ABCB9: variants seen among roughly 807,000 people sequenced by gnomAD.
The protein encoded by ABCB9 is ABC-type oligopeptide transporter ABCB9.
ABCB9 carries 36 observed loss-of-function variants against 62.0 expected under a neutral mutation model. The ratio of observed to expected loss-of-function variants is 0.58; its 90% CI spans 0.45 to 0.77. The LOEUF (loss-of-function observed/expected upper bound fraction) is 0.77, where lower values mean the gene tolerates loss of function less well. Among genes scored for constraint, ABCB9 ranks in the 30% least tolerant of loss-of-function variants. The probability of loss-of-function intolerance (pLI) is 0.00; values close to 1 mark genes in which losing one functional copy is unlikely to be tolerated. For missense variants in ABCB9, 943 were observed against 1,054.7 expected (o/e 0.89, Z 1.47); for synonymous variants, 435 against 461.4 (o/e 0.94, Z 0.73).
At chr12:122,956,578 T>C (rs1418556808) in intron 2 of ABCB9, among the ~76,000 whole-genome samples, 1 of 152,226 alleles carries the variant, frequency 6.6e-6, no homozygotes, top group African/African-American at 2.4e-5. Context: ...TGGAGTGCAG[T>C]TGTGTGAGCT....
At position 122,930,130 on chromosome 12, in the gene ABCB9, T is replaced by C; in HGVS notation, c.2082A>G (p.Val694=). 6.4e-7 allele frequency: 1 copy of C among 1,553,308 alleles called. No homozygotes were observed. Among genetic ancestry groups the C allele is most frequent in the Non-Finnish European group, 8.7e-7 (1 of 1,148,046 alleles). The change falls in exon 12 of 12, where the codon GTA becomes GTG. Residue 694 remains valine (V), a synonymous_variant. Coordinates refer to ENST00000280560, the MANE Select transcript of ABCB9 (RefSeq NM_019625.4). This position sits in a 1 kb window ranked among gnomAD's most constrained non-coding sequence, Gnocchi z 4.9. ...TGCTCAGCCGGTGCGCGATGATGAG[T>C]ACCGTGTGCTTCTGCAGGTTGCCAT... ...AIHGNLQKHT[V]LIIAHRLSTV... is the part of the protein sequence containing the mutation.
rs1364494286 is a variant in ABCB9 at position 122,932,676 on chromosome 12, T to G, written c.1904-348A>C. Among the ~76,000 whole-genome samples the G allele has an allele frequency of 6.6e-6, 1 of 152,126 alleles. No individual in the cohort carries two copies. Among genetic ancestry groups the G allele is most frequent in the Non-Finnish European group, 1.5e-5 (1 of 68,020 alleles). ...GCTTGAAGAGCTGCAGCAATAACCC[T>G]GGGTCTATGAGTCTGTGCAGTGCAA... is the stretch of plus-strand genomic sequence containing the variant. On this transcript the variant is annotated intron_variant, in intron 10 of 11. Transcript: ENST00000280560. The surrounding 1 kb of genome is among the most constrained non-coding windows in gnomAD (Gnocchi z 4.7).
chr12:122,925,621 G>A (rs115863884), downstream of ABCB9, among the ~76,000 whole-genome samples: 2,768 of 152,178 alleles, frequency 0.018, 91 homozygotes, highest in African/African-American at 0.063. Context: ...GGCGGTGGGC[G>A]CCTCTAGTCG....
chr12:122,949,556 G>A (rs1000432202), intron 4 of ABCB9, among the ~76,000 whole-genome samples: 7 of 152,214 alleles, frequency 4.6e-5, no homozygotes, highest in Admixed American at 2.6e-4. Flanking sequence ...CAGGGACCTC[G>A]GGTGGCCTGG....
exon 1 of ABCB9, chr12:122,975,114 C>G (rs548502599): frequency 3.7e-5 from 19 of 510,976 alleles, no homozygotes; most frequent in Non-Finnish European, 6.4e-5. Flanking sequence ...AGACCGTTTC[C>G]TGGCGAGGTG....
chr12:122,964,266 C>T lies in ABCB9; in HGVS notation c.-88+2021G>A, dbSNP rs1472743087. Among the ~76,000 whole-genome samples the T allele has an allele frequency of 1.3e-5, 2 of 152,198 alleles. No homozygotes were observed. The highest frequency in any genetic ancestry group is 2.9e-5 in the Non-Finnish European group (2 of 68,030). On this transcript the variant is annotated intron_variant, in intron 1 of 11. Transcript: ENST00000280560. The surrounding 1 kb of genome is among the most constrained non-coding windows in gnomAD (Gnocchi z 4.7). ...TCCCAGCCTCTGGGGGAATTCCTTC[C>T]CCATCCCCCAACAGCCCAGGGTACC...
At position 122,964,109 on chromosome 12, in the gene ABCB9, C is replaced by T. The variant is rs796557223; in HGVS notation, c.-88+2178G>A. Reference sequence around the variant, plus strand: ...CAGCCGCCTCAGCTGCTGCTCTCCTCGTGGTGGGCACATGGGGTCCCTCAG... The same window carrying T: ...CAGCCGCCTCAGCTGCTGCTCTCCTTGTGGTGGGCACATGGGGTCCCTCAG... On this transcript the variant is annotated intron_variant, in intron 1 of 11. Transcript: ENST00000280560. This position sits in a 1 kb window ranked among gnomAD's most constrained non-coding sequence, Gnocchi z 4.7. Among the ~76,000 whole-genome samples the T allele has an allele frequency of 1.3e-5, 2 of 152,298 alleles. No homozygotes were observed. Among genetic ancestry groups the T allele is most frequent in the African/African-American group, 4.8e-5 (2 of 41,566 alleles).
intron 7 of ABCB9, 95 bp from the exon 8 acceptor site, chr12:122,941,090 G>A (rs1386536879): frequency 2.9e-6 from 4 of 1,390,468 alleles, no homozygotes; most frequent in Non-Finnish European, 1.9e-6. Context: ...GGGAAAGCAA[G>A]GAGTTCTGGC....
At chr12:122,946,609 A>G (rs1040592877) in intron 5 of ABCB9, 5 of 269,062 alleles carry the variant, frequency 1.9e-5, no homozygotes, top group Non-Finnish European at 3.6e-5. Flanking sequence ...ACGGTTGTTC[A>G]GGTTGTACAC....
Position 122,929,435 on chromosome 12 carries a change from G to GGT in ABCB9, c.*475_*476insAC. 1 of 987,830 alleles carries GGT rather than the reference G, an allele frequency of 1.0e-6. No homozygotes were observed. The highest frequency in any genetic ancestry group is 1.2e-6 in the Non-Finnish European group (1 of 831,336). 61.2% of individuals were successfully genotyped at this position (987,830 alleles called of 1,614,324 possible). On this transcript the variant is annotated 3_prime_UTR_variant, in exon 12 of 12. Coordinates refer to ENST00000280560, the MANE Select transcript of ABCB9 (RefSeq NM_019625.4). This position sits in a 1 kb window ranked among gnomAD's most constrained non-coding sequence, Gnocchi z 6.0. ...TCCCCGTGTCTCCCTCCGGGACAGG[G>GGT]AAGCCCCTTCTCTGGAGGGGTAAAG...
chr12:122,970,638 A>G (rs1410744672), upstream of ABCB9, among the ~76,000 whole-genome samples: 1 of 152,226 alleles, frequency 6.6e-6, no homozygotes, highest in African/African-American at 2.4e-5. Context: ...TCTGATCACT[A>G]TGCATTATAT....
In ABCB9 at chr12:122,964,773, AGAACC is replaced by A. The variant is rs1480131961; in HGVS notation, c.-88+1509_-88+1513del. ...GTGGTGGCCAGAATAGGCCCCACCC[AGAACC>A]GGACAAGGCCCAGGAAGACAGGGGT... On this transcript the variant is annotated intron_variant, in intron 1 of 11. Coordinates refer to ENST00000280560, the MANE Select transcript of ABCB9 (RefSeq NM_019625.4). The surrounding 1 kb of genome is among the most constrained non-coding windows in gnomAD (Gnocchi z 4.7). Among the ~76,000 whole-genome samples, 1 of 152,234 alleles carries A rather than the reference AGAACC, an allele frequency of 6.6e-6. No individual in the cohort carries two copies. The highest frequency in any genetic ancestry group is 1.5e-5 in the Non-Finnish European group (1 of 68,030).
chr12:122,939,097 G>A (rs752297312), intron 9 of ABCB9, among the ~76,000 whole-genome samples: 16 of 152,038 alleles, frequency 1.1e-4, no homozygotes, highest in African/African-American at 1.9e-4. Context: ...GCTTGAACCC[G>A]GGAGGCGGAG....
rs1240712294 is a variant in ABCB9, at chr12:122,940,174, C to T, written c.1680G>A (p.Gly560=). 2 of 1,613,784 alleles carry T rather than the reference C, an allele frequency of 1.2e-6. No homozygotes were observed. The highest frequency in any genetic ancestry group is 4.5e-5 in the East Asian group (2 of 44,882). The stretch of plus-strand genomic sequence containing the variant: ...GCTTGCCGTCCAGCAGCACCCGGCC[C>T]CCCTCCAGGGGGTAGAAGTTCTCCA... ...NILENFYPLE[G]GRVLLDGKPI... Residue 560 remains glycine, a synonymous_variant, in exon 9 of 12, where the codon GGG becomes GGA. Transcript: ENST00000280560. The surrounding 1 kb of genome is among the most constrained non-coding windows in gnomAD (Gnocchi z 4.8).
chr12:122,970,609 T>C (rs2037259067), upstream of ABCB9, among the ~76,000 whole-genome samples: 1 of 152,194 alleles, frequency 6.6e-6, no homozygotes, highest in East Asian at 1.9e-4. Flanking sequence ...TGAGATGATA[T>C]ATATGCTCAT....
downstream of ABCB9, among the ~76,000 whole-genome samples, chr12:122,919,892 TATTTA>T (rs898486849): frequency 1.2e-4 from 11 of 92,980 alleles, no homozygotes; most frequent in African/African-American, 9.0e-4. Flanking sequence ...TTTATTTATT[TATTTA>T]TTTATTTATT....
chr12:122,922,390 A>C (rs1429156876), intron 11 of ABCB9, among the ~76,000 whole-genome samples: 2 of 151,604 alleles, frequency 1.3e-5, no homozygotes, highest in Non-Finnish European at 2.9e-5. Flanking sequence ...TATGGACTTC[A>C]TTGTTTTGAG....
intron 2 of ABCB9, among the ~76,000 whole-genome samples, chr12:122,954,488 G>A (rs951018773): frequency 6.6e-6 from 1 of 151,948 alleles, no homozygotes; most frequent in Admixed American, 6.6e-5. Flanking sequence ...GAGCCACCGT[G>A]CCCGGCCTAT....
Position 122,940,984 on chromosome 12 carries a change from G to A in ABCB9, c.1392C>T (p.Ser464=), listed in dbSNP as rs769847967. Residue 464 remains serine, a synonymous_variant, in exon 8 of 12, where the codon TCC becomes TCT. Coordinates refer to ENST00000280560, the MANE Select transcript of ABCB9 (RefSeq NM_019625.4). The surrounding 1 kb of genome is among the most constrained non-coding windows in gnomAD (Gnocchi z 4.8). ...CTCCCTGCATCAGGCCACTGTAGAC[G>A]GAGCCCACGGACTGGGGAGAGGAGA... ...VLGDCMESVG[S]VYSGLMQGVG... The A allele has an allele frequency of 5.6e-6, 9 of 1,604,192 alleles. No individual in the cohort carries two copies. Among genetic ancestry groups the A allele is most frequent in the African/African-American group, 1.3e-5 (1 of 74,872 alleles).
Sources: allele counts gnomAD v4.1 joint callset (sites outside exome capture counted in the v4.1 genomes callset), GRCh38; gene constraint gnomAD v4.1.1; non-coding constraint Gnocchi (gnomAD v3.1); transcripts MANE v1.5; gene names NCBI Gene and HGNC (gene_info 2026-07-23, HGNC 2026-07-21).